Variants in GFPT2 observed in about 807,000 individuals in gnomAD.
GFPT2 encodes the protein glutamine--fructose-6-phosphate aminotransferase [isomerizing] 2.
GFPT2 carries 62 observed loss-of-function variants against 85.6 expected under a neutral mutation model. The ratio of observed to expected loss-of-function variants is 0.72; its 90% CI spans 0.59 to 0.90. GFPT2 has a LOEUF of 0.90. Ranked by LOEUF, GFPT2 falls within the 40% of genes least tolerant of loss-of-function variation. The probability of loss-of-function intolerance (pLI) is 0.00; values close to 1 mark genes in which losing one functional copy is unlikely to be tolerated. For synonymous variants in GFPT2, 368 were observed against 344.5 expected, an observed-to-expected ratio of 1.07 and a Z score of -0.75; for missense variants, 788 against 893.4, an observed-to-expected ratio of 0.88 and a Z score of 1.50.
intron 4 of GFPT2, among the ~76,000 whole-genome samples, chr5:180,333,671 T>C (rs996422970): frequency 1.3e-5 from 2 of 152,230 alleles, no homozygotes; most frequent in Non-Finnish European, 2.9e-5. Flanking sequence ...TTGTGTGGTA[T>C]AGTTGCTGGG....
rs183495851 is a variant in GFPT2 at position 180,322,966 on chromosome 5, C to T, written c.794+1222G>A. 4.7e-5 allele frequency among the ~76,000 whole-genome samples: 7 copies of T among 149,260 alleles called. No individual in the cohort carries two copies. In the East Asian group the frequency reaches 1.0e-3, roughly 21 times the overall value. On this transcript the variant is annotated intron_variant, in intron 9 of 18. Coordinates refer to ENST00000253778, the MANE Select transcript of GFPT2 (RefSeq NM_005110.4). ...AGGAGAATCACTTGAACCCAGGAGG[C>T]GGAGCTTGCAGTGAGCCGAGATCAC... is the stretch of plus-strand genomic sequence containing the variant.
chr5:180,334,647 T>A (rs781361530), intron 4 of GFPT2, among the ~76,000 whole-genome samples: 2 of 152,030 alleles, frequency 1.3e-5, no homozygotes, highest in Non-Finnish European at 2.9e-5. Context: ...GGTTGGGGGG[T>A]CCAGTTGACT....
chr5:180,314,591 T>G (rs1763965543), intron 13 of GFPT2, among the ~76,000 whole-genome samples: 1 of 152,212 alleles, frequency 6.6e-6, no homozygotes, highest in African/African-American at 2.4e-5. Context: ...GAAATCCTCA[T>G]GAGTCGGGAG....
chr5:180,338,671 G>A (rs1387585625), intron 1 of GFPT2, 71 bp from the exon 2 acceptor site: 15 of 900,232 alleles, frequency 1.7e-5, no homozygotes, highest in Admixed American at 6.3e-5. Flanking sequence ...CGCTTCTGGG[G>A]GATGCACCGA....
In GFPT2 at chr5:180,324,356, A is replaced by C. The variant is rs73349689; in HGVS notation, c.677-51T>G. 1.5e-3 allele frequency: 1,614 copies of C among 1,064,682 alleles called. 17 individuals are homozygous for C. In the African/African-American group the frequency reaches 0.022, roughly 15 times the overall value. 66.0% of individuals were successfully genotyped at this position (1,064,682 alleles called of 1,614,324 possible). A position where few individuals can be genotyped will look rare whatever the true frequency, so the allele number is the denominator to read the frequency against. On this transcript the variant is annotated intron_variant, in intron 8 of 18. Transcript: ENST00000253778. ...AATCCCACTGGGATGTTTTGTTTGC[A>C]TAATATGCAGCAAGGAACCAATTTC... is the stretch of plus-strand genomic sequence containing the variant.
At chr5:180,302,295 A>G (rs958361142) in intron 18 of GFPT2, 128 bp downstream of exon 18, 1 of 702,348 alleles carries the variant, frequency 1.4e-6, no homozygotes. Flanking sequence ...TCAAAAAAAA[A>G]AAAAAGAAAG....
At chr5:180,344,474 G>C (rs1390137712) in intron 1 of GFPT2, among the ~76,000 whole-genome samples, 4 of 152,194 alleles carry the variant, frequency 2.6e-5, no homozygotes, top group Admixed American at 2.0e-4. Context: ...CTATCCACAG[G>C]GGGATGTCCT....
In GFPT2 at chr5:180,328,892, C is replaced by T. The variant is rs149296711; in HGVS notation, c.535-554G>A. Reference sequence around the variant, plus strand: ...AAGCTAATGCACTGAGCCTGGCATCCGGAGACCCAAGAGAAGCACAGGTTG... The same window carrying T: ...AAGCTAATGCACTGAGCCTGGCATCTGGAGACCCAAGAGAAGCACAGGTTG... On this transcript the variant is annotated intron_variant, in intron 6 of 18. Transcript: ENST00000253778. This position sits in a 1 kb window ranked among gnomAD's most constrained non-coding sequence, Gnocchi z 5.4. 2.0e-5 allele frequency among the ~76,000 whole-genome samples: 3 copies of T among 152,294 alleles called. No individual in the cohort carries two copies. Among genetic ancestry groups the T allele is most frequent in the East Asian group, 1.9e-4 (1 of 5,178 alleles).
intron 15 of GFPT2, among the ~76,000 whole-genome samples, chr5:180,309,873 C>CA: frequency 6.7e-6 from 1 of 150,114 alleles, no homozygotes; most frequent in East Asian, 2.0e-4. Context: ...TGCAGTGGTG[C>CA]GATCTCGGCT....
intron 1 of GFPT2, among the ~76,000 whole-genome samples, chr5:180,341,203 G>T (rs925033012): frequency 6.6e-6 from 1 of 152,176 alleles, no homozygotes; most frequent in Non-Finnish European, 1.5e-5. Context: ...TGGATGCCAC[G>T]AGGGTTACAA....
intron 10 of GFPT2, among the ~76,000 whole-genome samples, chr5:180,317,425 C>A (rs549041853): frequency 6.6e-6 from 1 of 152,280 alleles, no homozygotes; most frequent in Admixed American, 6.5e-5. Context: ...AAGAAACAGG[C>A]AATTTTCCTT....
At chr5:180,336,184 A>T in intron 3 of GFPT2, 1 of 563,898 alleles carries the variant, frequency 1.8e-6, no homozygotes, top group South Asian at 2.4e-5. Flanking sequence ...TGCTTTAAAA[A>T]GAAAATGATA....
Position 180,328,449 on chromosome 5 carries a change from G to A in GFPT2, c.535-111C>T, listed in dbSNP as rs1764250927. The A allele has an allele frequency of 2.5e-6, 2 of 805,850 alleles. No individual in the cohort carries two copies. The highest frequency in any genetic ancestry group is 3.4e-5 in the African/African-American group (2 of 59,044). The allele number at this position is 805,850 out of a possible 1,614,324, so 49.9% of individuals were successfully genotyped here. On this transcript the variant is annotated intron_variant, in intron 6 of 18. Coordinates refer to ENST00000253778, the MANE Select transcript of GFPT2 (RefSeq NM_005110.4). This position sits in a 1 kb window ranked among gnomAD's most constrained non-coding sequence, Gnocchi z 5.4. ...CCCTCCTGATGGCGGGAGGTCCTGG[G>A]GTCCCTCGGGGAGCTGAGTGCAGAA...
At position 180,353,312 on chromosome 5, in the gene GFPT2, TCCG is replaced by T. The variant is rs1458888204; in HGVS notation, c.-98_-96del. 22 of 957,702 alleles carry T rather than the reference TCCG, an allele frequency of 2.3e-5. No homozygotes were observed. The highest frequency in any genetic ancestry group is 2.8e-5 in the Non-Finnish European group (21 of 740,426). The allele number at this position is 957,702 out of a possible 1,614,324, so 59.3% of individuals were successfully genotyped here. A position where few individuals can be genotyped will look rare whatever the true frequency, so the allele number is the denominator to read the frequency against. On this transcript the variant is annotated 5_prime_UTR_variant, in exon 1 of 19. Coordinates refer to ENST00000253778, the MANE Select transcript of GFPT2 (RefSeq NM_005110.4). ...GGGCTCCTCCGTGGGCTCCGTGGGCTCCGTGGGCTCCGCGGGCTCCAGCTCCCG... is the reference window on the plus strand; with the variant it reads ...GGGCTCCTCCGTGGGCTCCGTGGGCTTGGGCTCCGCGGGCTCCAGCTCCCG...
chr5:180,319,844 A>C (rs569970370), intron 9 of GFPT2, among the ~76,000 whole-genome samples: 1 of 152,280 alleles, frequency 6.6e-6, no homozygotes, highest in Admixed American at 6.5e-5. Context: ...GGTAAATGAC[A>C]CCAGGGGTTG....
chr5:180,335,096 C>T (rs182089061), intron 4 of GFPT2, among the ~76,000 whole-genome samples: 13 of 152,364 alleles, frequency 8.5e-5, no homozygotes, highest in African/African-American at 3.1e-4. Flanking sequence ...GCAGGTGCAG[C>T]AACCTTGGCC....
At chr5:180,352,483 T>C (rs1403558942) in intron 1 of GFPT2, 1 of 451,152 alleles carries the variant, frequency 2.2e-6, no homozygotes, top group Non-Finnish European at 4.4e-6. Flanking sequence ...CTCCCCACGG[T>C]CCCGCAGCCA....
At chr5:180,336,607 C>G (rs760691316) in intron 2 of GFPT2, 30 bp from the exon 3 acceptor site, 10 of 1,424,042 alleles carry the variant, frequency 7.0e-6, no homozygotes, top group Non-Finnish European at 9.9e-6. Context: ...TGTTATATTG[C>G]AACCAAAGCT....
chr5:180,309,569 C>T (rs1763839148), intron 15 of GFPT2, among the ~76,000 whole-genome samples: 1 of 151,984 alleles, frequency 6.6e-6, no homozygotes, highest in South Asian at 2.1e-4. Flanking sequence ...TAAAGGCGCA[C>T]ACCACCACAC....
Sources: gnomAD v4.1 joint callset for allele counts (sites outside exome capture counted in the v4.1 genomes callset) on GRCh38, gnomAD v4.1.1 for gene constraint, Gnocchi (gnomAD v3.1) non-coding constraint, MANE v1.5 for transcripts, NCBI Gene and HGNC (gene_info 2026-07-23, HGNC 2026-07-21) for gene names.